LTBP1: variants seen among roughly 807,000 people sequenced by gnomAD.
The protein encoded by LTBP1 is latent transforming growth factor beta binding protein 1.
Under a neutral mutation model 207.6 loss-of-function variants are expected in LTBP1, and 129 were observed. That is an observed-to-expected ratio of 0.62 (90% CI 0.54 to 0.72). LTBP1 has a LOEUF of 0.72. Ranked by LOEUF, LTBP1 falls within the 30% of genes least tolerant of loss-of-function variation. The pLI is 0.00. For synonymous variants in LTBP1, 963 were observed against 833.7 expected, an observed-to-expected ratio of 1.16 and a Z score of -2.67; for missense variants, 2,281 against 2,217.2, an observed-to-expected ratio of 1.03 and a Z score of -0.58.
chr2:32,948,050 CGGG>C, intron 1 of LTBP1, among the ~76,000 whole-genome samples: 1 of 152,186 alleles, frequency 6.6e-6, no homozygotes, highest in Admixed American at 6.5e-5. Context: ...TACCGAGCTG[CGGG>C]TAAACACAAA....
intron 2 of LTBP1, among the ~76,000 whole-genome samples, chr2:32,988,608 A>G (rs571415551): frequency 6.6e-6 from 1 of 152,368 alleles, no homozygotes; most frequent in African/African-American, 2.4e-5. Flanking sequence ...CTTAGAGTTC[A>G]CACCTCATGG....
intron 3 of LTBP1, chr2:33,056,413 C>T (rs191449329): frequency 2.1e-4 from 229 of 1,108,136 alleles, no homozygotes; most frequent in African/African-American, 1.6e-3. Flanking sequence ...CCGCCCTGGG[C>T]GATGGTGACT....
intron 9 of LTBP1, among the ~76,000 whole-genome samples, chr2:33,223,047 T>C (rs2091219061): frequency 6.6e-6 from 1 of 152,186 alleles, no homozygotes; most frequent in Non-Finnish European, 1.5e-5. Context: ...CTGATTTGTG[T>C]TCTGAGGCTC....
intron 3 of LTBP1, among the ~76,000 whole-genome samples, chr2:33,022,342 G>A (rs1237817421): frequency 2.1e-5 from 3 of 144,716 alleles, no homozygotes; most frequent in African/African-American, 7.6e-5. Flanking sequence ...TTCTATTGTG[G>A]TAGCTAGATT....
intron 15 of LTBP1, among the ~76,000 whole-genome samples, chr2:33,270,981 G>C (rs1307488523): frequency 6.6e-6 from 1 of 152,214 alleles, no homozygotes; most frequent in East Asian, 1.9e-4. Flanking sequence ...TAAGACTAAA[G>C]AGTTATACTT....
intron 19 of LTBP1, 150 bp downstream of exon 19, chr2:33,280,308 A>G (rs955744203): frequency 4.1e-5 from 30 of 739,716 alleles, no homozygotes; most frequent in Middle Eastern, 3.0e-4. Context: ...ACTTTTAACC[A>G]TTGAGAAAAT....
At chr2:33,100,539 G>T (rs1198569516) in intron 3 of LTBP1, among the ~76,000 whole-genome samples, 4 of 150,478 alleles carry the variant, frequency 2.7e-5, no homozygotes, top group East Asian at 1.9e-4. Context: ...AAAAATTTTT[G>T]TAAAGTATAT....
At chr2:33,364,815 G>A (rs2094965117) in intron 30 of LTBP1, among the ~76,000 whole-genome samples, 1 of 152,242 alleles carries the variant, frequency 6.6e-6, no homozygotes, top group African/African-American at 2.4e-5. Flanking sequence ...TTGGCAAAAA[G>A]CCGCTGATAA....
At chr2:33,050,336 G>A (rs2076668289) in intron 3 of LTBP1, among the ~76,000 whole-genome samples, 1 of 151,926 alleles carries the variant, frequency 6.6e-6, no homozygotes, top group Non-Finnish European at 1.5e-5. Context: ...GACAATATGG[G>A]TTGAGATGTA....
At chr2:32,975,954 T>G (rs1681714221) in intron 2 of LTBP1, among the ~76,000 whole-genome samples, 1 of 152,216 alleles carries the variant, frequency 6.6e-6, no homozygotes, top group Non-Finnish European at 1.5e-5. Flanking sequence ...CTTGTGTGGT[T>G]GTTTGGAGGT....
chr2:33,254,843 C>T (rs13025417), intron 11 of LTBP1, among the ~76,000 whole-genome samples: 5 of 32,364 alleles, frequency 1.5e-4, no homozygotes, highest in East Asian at 1.2e-3. Flanking sequence ...TGAGAACATG[C>T]GGTGTTTGGT....
At chr2:33,078,585 G>A (rs1318891829) in intron 3 of LTBP1, among the ~76,000 whole-genome samples, 1 of 152,166 alleles carries the variant, frequency 6.6e-6, no homozygotes, top group Non-Finnish European at 1.5e-5. Flanking sequence ...GGACGATTAT[G>A]TTTAATTCAA....
At chr2:32,974,369 G>A (rs1427603467) in intron 2 of LTBP1, among the ~76,000 whole-genome samples, 1 of 151,974 alleles carries the variant, frequency 6.6e-6, no homozygotes, top group Non-Finnish European at 1.5e-5. Flanking sequence ...TTGCCTGTTG[G>A]AATTTGTATG....
chr2:33,367,812 A>G (rs1402555719), intron 31 of LTBP1, among the ~76,000 whole-genome samples: 2 of 152,116 alleles, frequency 1.3e-5, no homozygotes, highest in African/African-American at 2.4e-5. Context: ...CTGGGGCAAG[A>G]TGGGGCAGGG....
intron 26 of LTBP1, among the ~76,000 whole-genome samples, chr2:33,349,958 A>G (rs1014645576): frequency 1.3e-5 from 2 of 152,188 alleles, no homozygotes; most frequent in Non-Finnish European, 2.9e-5. Context: ...TCTCCCTTCC[A>G]TGAGCATCAG....
At chr2:33,087,258 T>C (rs1365475579) in intron 3 of LTBP1, among the ~76,000 whole-genome samples, 1 of 151,896 alleles carries the variant, frequency 6.6e-6, no homozygotes, top group Non-Finnish European at 1.5e-5. Context: ...TGTAGAGGTG[T>C]GCTCTCACTC....
intron 24 of LTBP1, among the ~76,000 whole-genome samples, chr2:33,341,892 G>A (rs192781474): frequency 2.0e-5 from 3 of 151,742 alleles, no homozygotes; most frequent in Non-Finnish European, 4.4e-5. Context: ...ACATAAAAGT[G>A]CAATCTTCTT....
chr2:33,319,025 A>G (rs1449045114), intron 24 of LTBP1, among the ~76,000 whole-genome samples: 1 of 152,190 alleles, frequency 6.6e-6, no homozygotes, highest in Non-Finnish European at 1.5e-5. Flanking sequence ...GCTTGAGCCC[A>G]GGAGTTCAAG....
intron 4 of LTBP1, among the ~76,000 whole-genome samples, chr2:33,115,105 T>TAC (rs60973498): frequency 6.2e-5 from 9 of 144,006 alleles, no homozygotes; most frequent in Admixed American, 2.1e-4. Context: ...CACATATATG[T>TAC]ACACACACAC....
Sources: gnomAD v4.1 joint callset for allele counts (sites outside exome capture counted in the v4.1 genomes callset) on GRCh38, gnomAD v4.1.1 for gene constraint, MANE v1.5 for transcripts, NCBI Gene and HGNC (gene_info 2026-07-23, HGNC 2026-07-21) for gene names.